Variants in NALF1 observed in about 807,000 individuals in gnomAD.
NALF1 encodes the protein NALCN channel auxiliary factor 1.
A neutral mutation model predicts 48.4 loss-of-function variants in NALF1; 3 were observed. The observed-to-expected ratio is 0.06, with a 90% CI of 0.03 to 0.16. NALF1 has a LOEUF of 0.16. NALF1 is among the 10% of genes least tolerant of loss of function. NALF1 has a pLI of 1.00. For missense variants in NALF1, 526 were observed against 571.5 expected, an observed-to-expected ratio of 0.92 and a Z score of 0.81; for synonymous variants, 262 against 245.7, an observed-to-expected ratio of 1.07 and a Z score of -0.62.
intron 1 of NALF1, among the ~76,000 whole-genome samples, chr13:107,722,934 A>G (rs1386996608): frequency 6.6e-6 from 1 of 152,220 alleles, no homozygotes; most frequent in African/African-American, 2.4e-5. Context: ...TGCAGGCCCT[A>G]AACAGAAGCT....
chr13:107,508,267 T>C (rs1179499861), intron 1 of NALF1, among the ~76,000 whole-genome samples: 1 of 151,946 alleles, frequency 6.6e-6, no homozygotes, highest in Non-Finnish European at 1.5e-5. Context: ...AGATTAGTCA[T>C]AAATGCTCTA....
At chr13:107,648,896 C>T (rs998179398) in intron 1 of NALF1, among the ~76,000 whole-genome samples, 1 of 152,050 alleles carries the variant, frequency 6.6e-6, no homozygotes, top group Non-Finnish European at 1.5e-5. Flanking sequence ...GTGGTGGTAT[C>T]TCATTATCGT....
At chr13:107,716,184 G>A (rs1276166714) in intron 1 of NALF1, among the ~76,000 whole-genome samples, 44 of 152,146 alleles carry the variant, frequency 2.9e-4, no homozygotes. Context: ...AGACTCATTT[G>A]CACTTTCTAG....
chr13:107,637,304 G>A (rs894340047), intron 1 of NALF1, among the ~76,000 whole-genome samples: 3 of 151,654 alleles, frequency 2.0e-5, no homozygotes, highest in Admixed American at 2.0e-4. Flanking sequence ...AAGTTGTTGG[G>A]GAATTTTATT....
intron 1 of NALF1, among the ~76,000 whole-genome samples, chr13:107,479,807 T>C (rs1162475043): frequency 1.3e-5 from 2 of 152,322 alleles, no homozygotes; most frequent in African/African-American, 2.4e-5. Context: ...AATTTGCCTG[T>C]ATAACTTTTT....
At chr13:107,195,554 C>G (rs1168204865) in intron 2 of NALF1, among the ~76,000 whole-genome samples, 1 of 152,196 alleles carries the variant, frequency 6.6e-6, no homozygotes, top group Non-Finnish European at 1.5e-5. Context: ...CTCTCTGCCT[C>G]CTCTATACTT....
At chr13:107,333,371 A>C in intron 1 of NALF1, among the ~76,000 whole-genome samples, 1 of 152,188 alleles carries the variant, frequency 6.6e-6, no homozygotes, top group East Asian at 1.9e-4. Context: ...ATCACCAAAA[A>C]AAGCACAAGA....
At chr13:107,578,249 T>C (rs921268776) in intron 1 of NALF1, among the ~76,000 whole-genome samples, 4 of 149,212 alleles carry the variant, frequency 2.7e-5, no homozygotes, top group African/African-American at 1.0e-4. Flanking sequence ...TTTTATTTTT[T>C]TCTGGTTGTT....
chr13:107,437,149 TATTC>T (rs1884475721), intron 1 of NALF1, among the ~76,000 whole-genome samples: 1 of 152,090 alleles, frequency 6.6e-6, no homozygotes, highest in African/African-American at 2.4e-5. Flanking sequence ...TCAGCATCGT[TATTC>T]ATTAAAGAAA....
At chr13:107,729,424 A>T (rs1185352057) in intron 1 of NALF1, among the ~76,000 whole-genome samples, 2 of 152,174 alleles carry the variant, frequency 1.3e-5, no homozygotes, top group African/African-American at 2.4e-5. Context: ...ACTGAAAAAA[A>T]AATAATAAAT....
chr13:107,298,357 A>AAAAAAAAAAAAAAAAAAAAAAAAAAC, intron 1 of NALF1, among the ~76,000 whole-genome samples: 1 of 146,832 alleles, frequency 6.8e-6, no homozygotes, highest in Non-Finnish European at 1.5e-5. Flanking sequence ...ATCTCAAAAA[A>AAAAAAAAAAAAAAAAAAAAAAAAAAC]AAAAAAAAAA....
At chr13:107,243,489 C>T (rs1880518697) in intron 1 of NALF1, among the ~76,000 whole-genome samples, 1 of 152,184 alleles carries the variant, frequency 6.6e-6, no homozygotes, top group Non-Finnish European at 1.5e-5. Context: ...TGATTCCTGC[C>T]TGTCCCCATC....
intron 1 of NALF1, among the ~76,000 whole-genome samples, chr13:107,326,371 CAGGT>C (rs1185570150): frequency 6.6e-6 from 1 of 152,110 alleles, no homozygotes. Context: ...TGGCCAGTCA[CAGGT>C]ATTAGAGCGA....
chr13:107,406,093 C>T (rs61965865), intron 1 of NALF1, among the ~76,000 whole-genome samples: 1 of 151,996 alleles, frequency 6.6e-6, no homozygotes, highest in South Asian at 2.1e-4. Flanking sequence ...GGCTATCCAA[C>T]CAACCAACAC....
At chr13:107,683,310 A>G (rs914174105) in intron 1 of NALF1, among the ~76,000 whole-genome samples, 4 of 152,132 alleles carry the variant, frequency 2.6e-5, no homozygotes, top group African/African-American at 4.8e-5. Flanking sequence ...ATAAGAAAGC[A>G]TAATTTTATT....
At chr13:107,762,839 A>C (rs1213214309) in intron 1 of NALF1, among the ~76,000 whole-genome samples, 4 of 152,204 alleles carry the variant, frequency 2.6e-5, no homozygotes, top group Non-Finnish European at 5.9e-5. Context: ...CCTTACAAAT[A>C]TTTTTAATAT....
intron 2 of NALF1, among the ~76,000 whole-genome samples, chr13:107,203,105 T>C (rs1468000422): frequency 1.3e-5 from 2 of 152,238 alleles, no homozygotes; most frequent in Non-Finnish European, 2.9e-5. Context: ...TCGCGAATTC[T>C]TCACATCTTC....
chr13:107,823,814 G>C (rs1253482448), intron 1 of NALF1, among the ~76,000 whole-genome samples: 1 of 152,044 alleles, frequency 6.6e-6, no homozygotes, highest in African/African-American at 2.4e-5. Context: ...GTGTGATACT[G>C]GGCAAGTGAT....
At chr13:107,424,282 T>C (rs1434670144) in intron 1 of NALF1, among the ~76,000 whole-genome samples, 3 of 152,054 alleles carry the variant, frequency 2.0e-5, no homozygotes, top group Non-Finnish European at 4.4e-5. Flanking sequence ...GGACTATAGG[T>C]GCACACCACC....
Sources: allele counts gnomAD v4.1 joint callset (sites outside exome capture counted in the v4.1 genomes callset), GRCh38; gene constraint gnomAD v4.1.1; transcripts MANE v1.5; gene names NCBI Gene and HGNC (gene_info 2026-07-23, HGNC 2026-07-21).